MAGI2: variants seen among roughly 807,000 people sequenced by gnomAD.
MAGI2 encodes the protein membrane associated guanylate kinase, WW and PDZ domain containing 2, also known as membrane-associated guanylate kinase, WW and PDZ domain-containing protein 2.
In MAGI2, 35 loss-of-function variants were observed where a neutral mutation model predicts 133.3. The observed-to-expected ratio is 0.26, with a 90% CI of 0.20 to 0.35. The LOEUF (loss-of-function observed/expected upper bound fraction) is 0.35. MAGI2 is among the 10% of genes least tolerant of loss of function. The pLI is 1.00. For missense variants in MAGI2, 1,636 were observed against 1,863.4 expected (o/e 0.88, Z 2.25); for synonymous variants, 729 against 710.6 (o/e 1.03, Z -0.41).
At chr7:78,573,097 A>G (rs1801729417) in intron 3 of MAGI2, among the ~76,000 whole-genome samples, 1 of 108,554 alleles carries the variant, frequency 9.2e-6, no homozygotes, top group Non-Finnish European at 1.8e-5. Flanking sequence ...ACACACACGG[A>G]GAGATATACA....
intron 2 of MAGI2, among the ~76,000 whole-genome samples, chr7:78,833,078 C>T (rs957910369): frequency 2.0e-5 from 3 of 152,142 alleles, no homozygotes; most frequent in South Asian, 2.1e-4. Context: ...TCTAGCTTCA[C>T]ATCATGTTTC....
chr7:78,209,432 T>C (rs1787539774), intron 10 of MAGI2, among the ~76,000 whole-genome samples: 1 of 150,648 alleles, frequency 6.6e-6, no homozygotes, highest in African/African-American at 2.4e-5. Flanking sequence ...CCACTAAAAT[T>C]TGTATTTTTA....
At chr7:79,090,923 C>T (rs1816986474) in intron 1 of MAGI2, among the ~76,000 whole-genome samples, 1 of 152,034 alleles carries the variant, frequency 6.6e-6, no homozygotes, top group Non-Finnish European at 1.5e-5. Flanking sequence ...ACTGTTCCCA[C>T]AACAGTGTAC....
intron 3 of MAGI2, among the ~76,000 whole-genome samples, chr7:78,526,996 G>T: frequency 1.6e-5 from 1 of 61,448 alleles, no homozygotes; most frequent in African/African-American, 5.5e-5. Context: ...GACAGGGCAA[G>T]ACTCCATCTC....
chr7:78,800,851 G>A (rs1344939526), intron 2 of MAGI2, among the ~76,000 whole-genome samples: 1 of 151,968 alleles, frequency 6.6e-6, no homozygotes, highest in East Asian at 1.9e-4. Context: ...TGGGGTTTCA[G>A]GTTCCAAGTG....
At chr7:78,524,682 A>G (rs1271786037) in intron 3 of MAGI2, among the ~76,000 whole-genome samples, 4 of 152,214 alleles carry the variant, frequency 2.6e-5, no homozygotes, top group Non-Finnish European at 4.4e-5. Context: ...TGTACCAGAC[A>G]AATTCTGAGC....
At chr7:79,343,866 C>T (rs567785496) in intron 1 of MAGI2, among the ~76,000 whole-genome samples, 2 of 152,256 alleles carry the variant, frequency 1.3e-5, no homozygotes, top group East Asian at 1.9e-4. Context: ...AAAAAAGCAA[C>T]AGCACTTAAT....
At chr7:79,004,717 T>C (rs1309852178) in intron 2 of MAGI2, among the ~76,000 whole-genome samples, 1 of 152,162 alleles carries the variant, frequency 6.6e-6, no homozygotes, top group Non-Finnish European at 1.5e-5. Context: ...ATGTACCCCA[T>C]AAATATGTAA....
chr7:79,247,468 C>T (rs1030228677), intron 1 of MAGI2, among the ~76,000 whole-genome samples: 5 of 151,922 alleles, frequency 3.3e-5, no homozygotes, highest in Admixed American at 3.3e-4. Flanking sequence ...AAAAAATTCG[C>T]CATGCATGGT....
chr7:79,069,530 A>T (rs1293243898), intron 1 of MAGI2, among the ~76,000 whole-genome samples: 1 of 5,562 alleles, frequency 1.8e-4, no homozygotes, highest in African/African-American at 1.2e-3. Flanking sequence ...CAACACACCG[A>T]TGGGTCTTGA....
chr7:78,161,680 AAAAAAAAG>A lies in MAGI2; in HGVS notation c.2597-1415_2597-1408del, dbSNP rs1248559098. On this transcript the variant is annotated intron_variant, in intron 15 of 21. Transcript: ENST00000354212. ...TACATCGATACCTAAAAAAAAAAAAAAAAAAAAGAAAAAAAAAAAGCTGTATTTGTTTA... is the reference window on the plus strand; with the variant it reads ...TACATCGATACCTAAAAAAAAAAAAAAAAAAAAAAAAGCTGTATTTGTTTA... Among the ~76,000 whole-genome samples, 53 of 145,950 alleles carry A rather than the reference AAAAAAAAG, an allele frequency of 3.6e-4. 1 individual carries two copies. The highest frequency in any genetic ancestry group is 8.2e-4 in the Admixed American group (12 of 14,638).
At chr7:79,179,781 G>A (rs1037929942) in intron 1 of MAGI2, among the ~76,000 whole-genome samples, 14 of 151,860 alleles carry the variant, frequency 9.2e-5, no homozygotes, top group South Asian at 2.1e-4. Context: ...AACTCAAGGC[G>A]GATTAAAAAC....
At chr7:79,056,463 G>C (rs1194109074) in intron 1 of MAGI2, among the ~76,000 whole-genome samples, 1 of 152,088 alleles carries the variant, frequency 6.6e-6, no homozygotes, top group African/African-American at 2.4e-5. Context: ...AACCCAAAAT[G>C]GTCATAATGA....
intron 2 of MAGI2, among the ~76,000 whole-genome samples, chr7:78,910,640 C>T (rs1798333331): frequency 1.3e-5 from 2 of 152,286 alleles, no homozygotes; most frequent in South Asian, 2.1e-4. Context: ...AAGTACAACA[C>T]TAGTCTAATA....
intron 3 of MAGI2, among the ~76,000 whole-genome samples, chr7:78,531,215 GTTTT>G: frequency 7.4e-6 from 1 of 135,672 alleles, no homozygotes; most frequent in South Asian, 2.3e-4. Context: ...TATTAATTAA[GTTTT>G]TTTTTTTTTT....
At chr7:78,132,146 A>AT (rs1484762090) in intron 18 of MAGI2, among the ~76,000 whole-genome samples, 1 of 152,176 alleles carries the variant, frequency 6.6e-6, no homozygotes, top group African/African-American at 2.4e-5. Flanking sequence ...AAGTGCTGGG[A>AT]TTATAGGCGT....
intron 10 of MAGI2, 108 bp downstream of exon 10, chr7:78,255,835 A>T (rs1260639273): frequency 1.7e-6 from 2 of 1,150,078 alleles, no homozygotes; most frequent in Admixed American, 2.2e-5. Flanking sequence ...TTTATTTTTT[A>T]AAGTATAATT....
intron 1 of MAGI2, among the ~76,000 whole-genome samples, chr7:79,270,761 A>G (rs1834816216): frequency 6.6e-6 from 1 of 151,968 alleles, no homozygotes; most frequent in Admixed American, 6.6e-5. Flanking sequence ...TAACTAGGAT[A>G]AGAATAAATA....
At chr7:79,349,096 T>A (rs1429533078) in intron 1 of MAGI2, among the ~76,000 whole-genome samples, 1 of 152,018 alleles carries the variant, frequency 6.6e-6, no homozygotes, top group African/African-American at 2.4e-5. Context: ...AGAGGCTATC[T>A]TTAAGGTTTT....
Sources: gnomAD v4.1 joint callset for allele counts (sites outside exome capture counted in the v4.1 genomes callset) on GRCh38, gnomAD v4.1.1 for gene constraint, MANE v1.5 for transcripts, NCBI Gene and HGNC (gene_info 2026-07-23, HGNC 2026-07-21) for gene names.